Variants in TACR3 observed in about 807,000 individuals in gnomAD.
The protein encoded by TACR3 is neuromedin-K receptor.
A neutral mutation model predicts 35.0 loss-of-function variants in TACR3; 34 were observed. The observed-to-expected ratio is 0.97, with a 90% CI of 0.74 to 1.30. TACR3 has a LOEUF of 1.30. Among genes scored for constraint, TACR3 ranks in the 50% most tolerant of loss-of-function variants. The pLI is 0.00. For missense variants in TACR3, 558 were observed against 591.7 expected, an observed-to-expected ratio of 0.94 and a Z score of 0.59; for synonymous variants, 233 against 221.1, an observed-to-expected ratio of 1.05 and a Z score of -0.48.
chr4:103,698,199 T>G (rs1578262131), intron 1 of TACR3, among the ~76,000 whole-genome samples: 1 of 139,334 alleles, frequency 7.2e-6, no homozygotes, highest in Admixed American at 6.6e-5. Context: ...TGTAGTTAGC[T>G]ATGGGAAAAA....
At chr4:103,634,521 TA>T (rs3842017) in intron 3 of TACR3, among the ~76,000 whole-genome samples, 69,103 of 151,808 alleles carry the variant, frequency 0.46, 16,269 homozygotes, top group Non-Finnish European at 0.53. Context: ...ATAATCAGAG[TA>T]ACAGAATGCA....
intron 1 of TACR3, among the ~76,000 whole-genome samples, chr4:103,711,222 A>G (rs1722949989): frequency 6.6e-6 from 1 of 152,230 alleles, no homozygotes; most frequent in African/African-American, 2.4e-5. Context: ...TCCCTGATGA[A>G]CATTGATGCA....
intron 3 of TACR3, among the ~76,000 whole-genome samples, chr4:103,615,268 A>G (rs959322981): frequency 2.0e-5 from 3 of 152,134 alleles, no homozygotes; most frequent in African/African-American, 7.2e-5. Flanking sequence ...ATGAAGACCG[A>G]GTACTGGAGG....
At chr4:103,682,409 G>A (rs1002047290) in intron 1 of TACR3, among the ~76,000 whole-genome samples, 12 of 152,130 alleles carry the variant, frequency 7.9e-5, no homozygotes, top group Admixed American at 7.9e-4. Context: ...AGAGAAGCAG[G>A]CACATCTTAC....
intron 3 of TACR3, among the ~76,000 whole-genome samples, chr4:103,647,949 G>A (rs557018847): frequency 6.6e-6 from 1 of 152,040 alleles, no homozygotes; most frequent in East Asian, 1.9e-4. Flanking sequence ...ATAAAAATGT[G>A]AGATATTTCT....
At chr4:103,639,026 G>A (rs1725279654) in intron 3 of TACR3, among the ~76,000 whole-genome samples, 1 of 152,256 alleles carries the variant, frequency 6.6e-6, no homozygotes, top group African/African-American at 2.4e-5. Context: ...GTGGAAGTCG[G>A]TGTGGTGATT....
At chr4:103,614,738 G>A (rs111936126) in intron 3 of TACR3, among the ~76,000 whole-genome samples, 2,528 of 100,524 alleles carry the variant, frequency 0.025, 30 homozygotes, top group Non-Finnish European at 0.034. Context: ...AAATGTGAAT[G>A]CCAAACTCAA....
chr4:103,676,872 T>C (rs531031686), intron 1 of TACR3, among the ~76,000 whole-genome samples: 1 of 152,252 alleles, frequency 6.6e-6, no homozygotes, highest in South Asian at 2.1e-4. Flanking sequence ...GGGATCATAT[T>C]AAACTAAAGA....
chr4:103,600,891 G>T (rs1454541387), intron 3 of TACR3, among the ~76,000 whole-genome samples: 1 of 152,028 alleles, frequency 6.6e-6, no homozygotes, highest in Admixed American at 6.6e-5. Flanking sequence ...TATGTGGTCA[G>T]TTTTGGAGTA....
At chr4:103,681,921 G>T (rs1285544619) in intron 1 of TACR3, among the ~76,000 whole-genome samples, 2 of 151,888 alleles carry the variant, frequency 1.3e-5, no homozygotes, top group African/African-American at 4.8e-5. Flanking sequence ...GATAATAATG[G>T]AATTAAACTG....
At chr4:103,655,521 A>G (rs1456281838) in intron 3 of TACR3, among the ~76,000 whole-genome samples, 3 of 152,112 alleles carry the variant, frequency 2.0e-5, no homozygotes, top group Non-Finnish European at 4.4e-5. Context: ...TAGTCGCATA[A>G]CGATAGTAGA....
At chr4:103,709,979 C>A (rs1722903729) in intron 1 of TACR3, among the ~76,000 whole-genome samples, 1 of 152,108 alleles carries the variant, frequency 6.6e-6, no homozygotes, top group Non-Finnish European at 1.5e-5. Context: ...TGTATATGCA[C>A]CCAACACAGG....
At chr4:103,699,994 T>G (rs1722608481) in intron 1 of TACR3, among the ~76,000 whole-genome samples, 1 of 152,176 alleles carries the variant, frequency 6.6e-6, no homozygotes, top group Non-Finnish European at 1.5e-5. Context: ...CTACTTTGTT[T>G]ATTTCAGTGT....
chr4:103,710,217 C>A (rs59049034), intron 1 of TACR3, among the ~76,000 whole-genome samples: 17,811 of 152,222 alleles, frequency 0.12, 1,376 homozygotes, highest in East Asian at 0.37. Flanking sequence ...CTTCTCAGCA[C>A]CACGTTGCAC....
chr4:103,651,974 GTCT>G (rs989985341), intron 3 of TACR3, among the ~76,000 whole-genome samples: 1 of 152,050 alleles, frequency 6.6e-6, no homozygotes, highest in East Asian at 1.9e-4. Flanking sequence ...ATGCAAAACA[GTCT>G]TCTTTACTCT....
At chr4:103,696,882 A>G (rs1236543917) in intron 1 of TACR3, among the ~76,000 whole-genome samples, 1 of 151,974 alleles carries the variant, frequency 6.6e-6, no homozygotes, top group East Asian at 1.9e-4. Flanking sequence ...CTCTACTTTC[A>G]TCTTTGCTGA....
intron 3 of TACR3, among the ~76,000 whole-genome samples, chr4:103,647,229 A>G (rs1270348079): frequency 6.6e-6 from 1 of 151,924 alleles, no homozygotes; most frequent in Non-Finnish European, 1.5e-5. Flanking sequence ...ATTTTGTTGT[A>G]TAATTGTTAT....
intron 3 of TACR3, among the ~76,000 whole-genome samples, chr4:103,605,401 A>G (rs1440573620): frequency 1.0e-5 from 1 of 95,698 alleles, no homozygotes; most frequent in Non-Finnish European, 2.5e-5. Flanking sequence ...AGGAATTGCC[A>G]CACTGACTTC....
intron 3 of TACR3, among the ~76,000 whole-genome samples, chr4:103,631,324 A>C (rs1725060179): frequency 6.6e-6 from 1 of 152,146 alleles, no homozygotes; most frequent in Non-Finnish European, 1.5e-5. Flanking sequence ...CTTAAAGTAT[A>C]ATAAAAAAAT....
Sources: gnomAD v4.1 joint callset for allele counts (sites outside exome capture counted in the v4.1 genomes callset) on GRCh38, gnomAD v4.1.1 for gene constraint, MANE v1.5 for transcripts, NCBI Gene and HGNC (gene_info 2026-07-23, HGNC 2026-07-21) for gene names.